Variants in SGCD observed in about 807,000 individuals in gnomAD.
SGCD encodes sarcoglycan delta, also known as delta-sarcoglycan.
A neutral mutation model predicts 36.6 loss-of-function variants in SGCD; 18 were observed. The ratio of observed to expected loss-of-function variants is 0.49; its 90% CI spans 0.34 to 0.73. SGCD has a LOEUF of 0.73. Ranked by LOEUF, SGCD falls within the 30% of genes least tolerant of loss-of-function variation. SGCD has a pLI of 0.01. For missense variants in SGCD, 387 were observed against 346.7 expected (o/e 1.12, Z -0.92); for synonymous variants, 133 against 130.6 (o/e 1.02, Z -0.12).
intron 7 of SGCD, among the ~76,000 whole-genome samples, chr5:156,713,340 G>A (rs549993643): frequency 1.3e-5 from 2 of 151,776 alleles, no homozygotes; most frequent in Non-Finnish European, 2.9e-5. Flanking sequence ...AGACTCAGAA[G>A]AGGGGCTAAG....
intron 4 of SGCD, among the ~76,000 whole-genome samples, chr5:156,559,270 A>G (rs1361327690): frequency 2.0e-5 from 3 of 152,108 alleles, no homozygotes; most frequent in Non-Finnish European, 2.9e-5. Flanking sequence ...CCAACTTGGA[A>G]TACCCGCATC....
At chr5:156,557,913 C>G (rs1158786480) in intron 4 of SGCD, among the ~76,000 whole-genome samples, 2 of 151,478 alleles carry the variant, frequency 1.3e-5, no homozygotes, top group African/African-American at 4.8e-5. Context: ...TGAAAATTCT[C>G]ACGTTATATC....
the SGCD span, among the ~76,000 whole-genome samples, chr5:155,815,518 C>T: frequency 2.6e-5 from 4 of 152,112 alleles, no homozygotes; most frequent in African/African-American, 9.7e-5. Context: ...TAAAGAACTA[C>T]CTGAGACTGG....
At chr5:155,844,434 T>TGTGTGTGTGC in the SGCD span, among the ~76,000 whole-genome samples, 1 of 151,628 alleles carries the variant, frequency 6.6e-6, no homozygotes, top group African/African-American at 2.4e-5. Flanking sequence ...TGTGTGTGTG[T>TGTGTGTGTGC]GTGTGTGTGT....
In SGCD at chr5:156,541,817, A is replaced by G. The variant is rs187097104; in HGVS notation, c.294+33115A>G. On this transcript the variant is annotated intron_variant, in intron 4 of 8. Coordinates refer to ENST00000337851, the MANE Select transcript of SGCD (RefSeq NM_000337.6). Reference sequence around the variant, plus strand: ...TGCAATGAATCTTTAGAGATGCTAAATAACTCAACAAAGGTCGTAGCATTG... The same window carrying G: ...TGCAATGAATCTTTAGAGATGCTAAGTAACTCAACAAAGGTCGTAGCATTG... Among the ~76,000 whole-genome samples the G allele has an allele frequency of 3.1e-3, 469 of 152,318 alleles. 4 individuals carry two copies. Among genetic ancestry groups the G allele is most frequent in the African/African-American group, 9.7e-3 (403 of 41,578 alleles).
At chr5:155,807,436 C>T in the SGCD span, among the ~76,000 whole-genome samples, 4 of 152,224 alleles carry the variant, frequency 2.6e-5, no homozygotes, top group Non-Finnish European at 5.9e-5. Context: ...TTTAATTCCT[C>T]CAGTGCTCTG....
At chr5:155,798,344 G>A in the SGCD span, among the ~76,000 whole-genome samples, 1 of 152,048 alleles carries the variant, frequency 6.6e-6, no homozygotes, top group South Asian at 2.1e-4. Flanking sequence ...ATAGCCACGT[G>A]GTTATACATT....
chr5:156,124,243 A>G (rs766531684), intron 3 of SGCD, among the ~76,000 whole-genome samples: 1 of 152,180 alleles, frequency 6.6e-6, no homozygotes, highest in Non-Finnish European at 1.5e-5. Context: ...TGCATTGTCT[A>G]TATAATAAAG....
intron 3 of SGCD, among the ~76,000 whole-genome samples, chr5:156,407,462 G>A (rs1580942517): frequency 6.6e-6 from 1 of 152,090 alleles, no homozygotes; most frequent in Non-Finnish European, 1.5e-5. Context: ...AGCGGGGGAG[G>A]GGATCATCGT....
At chr5:156,466,721 TAAG>T (rs1754734699) in intron 3 of SGCD, among the ~76,000 whole-genome samples, 1 of 152,160 alleles carries the variant, frequency 6.6e-6, no homozygotes, top group Non-Finnish European at 1.5e-5. Context: ...ACTTCTCCAT[TAAG>T]AAGAGTAGGT....
intron 4 of SGCD, among the ~76,000 whole-genome samples, chr5:156,537,459 C>CCACACACACACACACACACACACA (rs769070218): frequency 1.6e-5 from 2 of 125,808 alleles, no homozygotes; most frequent in Non-Finnish European, 3.3e-5. Flanking sequence ...AAGGTAGCAG[C>CCACACACACACACACACACACACA]CACACACACA....
chr5:156,500,388 T>A (rs1281410757), intron 3 of SGCD, among the ~76,000 whole-genome samples: 3 of 152,024 alleles, frequency 2.0e-5, no homozygotes, highest in Non-Finnish European at 2.9e-5. Flanking sequence ...TCTACTGCAA[T>A]CTGTATATAA....
At chr5:156,249,048 A>T (rs767141499) in intron 3 of SGCD, among the ~76,000 whole-genome samples, 2 of 152,202 alleles carry the variant, frequency 1.3e-5, no homozygotes, top group Non-Finnish European at 2.9e-5. Context: ...GAGACACTAA[A>T]TTAAAGATTT....
At chr5:156,341,843 C>G (rs538687650) in intron 2 of SGCD, among the ~76,000 whole-genome samples, 2 of 152,320 alleles carry the variant, frequency 1.3e-5, no homozygotes, top group South Asian at 4.1e-4. Context: ...TCCCAAGTAA[C>G]TGGGATTACA....
At chr5:155,762,961 T>C in the SGCD span, among the ~76,000 whole-genome samples, 1 of 152,182 alleles carries the variant, frequency 6.6e-6, no homozygotes, top group South Asian at 2.1e-4. Context: ...ATATGGGGTG[T>C]CTTCTTTCCC....
rs548993338 is a variant in SGCD, at chr5:156,516,497, A to T, written c.294+7795A>T. ...CAACATCAACAAAAAAATACCCACA[A>T]AACCCTATCCAAAGGTCAGCAGCCT... On this transcript the variant is annotated intron_variant, in intron 4 of 8. Transcript: ENST00000337851. Among the ~76,000 whole-genome samples the T allele has an allele frequency of 4.5e-3, 685 of 152,294 alleles. 4 individuals carry two copies. The highest frequency in any genetic ancestry group is 0.014 in the African/African-American group (570 of 41,556).
the SGCD span, among the ~76,000 whole-genome samples, chr5:155,823,499 T>C: frequency 6.6e-6 from 1 of 152,072 alleles, no homozygotes; most frequent in Non-Finnish European, 1.5e-5. Flanking sequence ...GAAGTAACAT[T>C]TAATCTGGGC....
rs184086949 is a variant in SGCD, at chr5:156,185,493, T to C, written c.-44+61474T>C. Among the ~76,000 whole-genome samples the C allele has an allele frequency of 1.0e-3, 156 of 151,412 alleles. No homozygotes were observed. The East Asian group carries it at 0.019, about 18-fold the overall frequency. ...CCTCCCAAAGTGCTGGGATTACAGA[T>C]GTGAGCCACCGCGCCTGGCCTCTTT... On this transcript the variant is annotated intron_variant, in intron 3 of 9. Coordinates refer to the SGCD transcript ENST00000517913.
At chr5:156,550,397 A>G (rs1758744343) in intron 4 of SGCD, among the ~76,000 whole-genome samples, 1 of 152,220 alleles carries the variant, frequency 6.6e-6, no homozygotes, top group Non-Finnish European at 1.5e-5. Context: ...TAAGTGCTTC[A>G]CGACACTTCT....
Sources: allele counts gnomAD v4.1 joint callset (sites outside exome capture counted in the v4.1 genomes callset), GRCh38; gene constraint gnomAD v4.1.1; transcripts MANE v1.5; gene names NCBI Gene and HGNC (gene_info 2026-07-23, HGNC 2026-07-21).